Variants in NME7 observed in about 807,000 individuals in gnomAD.
NME7 encodes nucleoside diphosphate kinase 7.
A neutral mutation model predicts 49.1 loss-of-function variants in NME7; 41 were observed. The observed-to-expected ratio is 0.83, with a 90% CI of 0.65 to 1.08. NME7 has a LOEUF of 1.08. Ranked by LOEUF, NME7 falls within the 50% of genes least tolerant of loss-of-function variation. The probability of loss-of-function intolerance (pLI) is 0.00; values close to 1 mark genes in which losing one functional copy is unlikely to be tolerated. For missense variants in NME7, 423 were observed against 463.4 expected (o/e 0.91, Z 0.80); for synonymous variants, 139 against 150.6 (o/e 0.92, Z 0.56).
chr1:169,195,776 A>G (rs948481711), intron 10 of NME7, among the ~76,000 whole-genome samples: 2 of 152,208 alleles, frequency 1.3e-5, no homozygotes, highest in Admixed American at 1.3e-4. Flanking sequence ...CTTACTATGT[A>G]CCAGACACTT....
At chr1:169,155,049 A>G (rs1659028074) in intron 11 of NME7, among the ~76,000 whole-genome samples, 1 of 152,048 alleles carries the variant, frequency 6.6e-6, no homozygotes, top group Non-Finnish European at 1.5e-5. Flanking sequence ...GGCTCAAGCA[A>G]TCCTTCTGCC....
In NME7 at chr1:169,354,979, ATGT is replaced by A. The variant is rs1169439246; in HGVS notation, c.3+12726_3+12728del. ...ATGTTTATATATAATATAATTATAT[ATGT>A]TTATATATAATATAATTATATATGT... On this transcript the variant is annotated intron_variant, in intron 1 of 11. Coordinates refer to ENST00000367811, the MANE Select transcript of NME7 (RefSeq NM_013330.5). 4.2e-3 allele frequency among the ~76,000 whole-genome samples: 230 copies of A among 55,112 alleles called. 30 individuals carry two copies. Among genetic ancestry groups the A allele is most frequent in the African/African-American group, 9.1e-3 (179 of 19,666 alleles). The allele number at this position is 55,112 out of a possible 152,430, so 36.2% of individuals were successfully genotyped here.
intron 10 of NME7, among the ~76,000 whole-genome samples, chr1:169,186,511 G>A (rs1233512370): frequency 6.6e-6 from 1 of 152,186 alleles, no homozygotes; most frequent in Non-Finnish European, 1.5e-5. Context: ...ATGTGTCCAG[G>A]AATTTATCCA....
chr1:169,142,765 G>T (rs981196921), intron 11 of NME7, among the ~76,000 whole-genome samples: 8 of 152,180 alleles, frequency 5.3e-5, no homozygotes, highest in Admixed American at 2.0e-4. Context: ...CAGGAAAGGG[G>T]TTTAGAGGAG....
chr1:169,259,088 T>C (rs991517182), intron 7 of NME7, among the ~76,000 whole-genome samples: 2 of 133,996 alleles, frequency 1.5e-5, no homozygotes, highest in Non-Finnish European at 3.5e-5. Flanking sequence ...TTGTAAAATA[T>C]TGAATACATT....
intron 10 of NME7, among the ~76,000 whole-genome samples, chr1:169,185,714 T>C (rs1200075): frequency 0.021 from 3,163 of 152,296 alleles, 112 homozygotes; most frequent in African/African-American, 0.073. Context: ...TCTGTCCCTC[T>C]GTAAGAGCAC....
chr1:169,357,261 T>C (rs1407471071), intron 1 of NME7, among the ~76,000 whole-genome samples: 1 of 152,088 alleles, frequency 6.6e-6, no homozygotes, highest in Non-Finnish European at 1.5e-5. Flanking sequence ...CCTCCAAGAC[T>C]GTGAGCTTTT....
At chr1:169,175,370 A>G (rs1335858557) in intron 10 of NME7, among the ~76,000 whole-genome samples, 1 of 152,180 alleles carries the variant, frequency 6.6e-6, no homozygotes, top group Non-Finnish European at 1.5e-5. Flanking sequence ...TTTTCTAATA[A>G]GTAGAAAAAG....
intron 7 of NME7, among the ~76,000 whole-genome samples, chr1:169,256,817 C>T (rs1429738394): frequency 2.3e-5 from 3 of 130,994 alleles, no homozygotes; most frequent in African/African-American, 5.1e-5. Flanking sequence ...GTTGGAATAC[C>T]CTGCCGTGTG....
At position 169,298,746 on chromosome 1, in the gene NME7, A is replaced by C; in HGVS notation, c.458T>G (p.Ile153Ser). The part of the protein sequence containing the change: ...RPFFNELIQF[I>S]TTGPIIAMEI... ...CATGGCAATAATAGGACCAGTTGTAATAAACTGGATCAGCTCACTACAAAA... is the reference window on the plus strand; with the variant it reads ...CATGGCAATAATAGGACCAGTTGTACTAAACTGGATCAGCTCACTACAAAA... The change falls in exon 6 of 12, where the codon ATT (isoleucine) becomes AGT (serine). Residue 153 changes from isoleucine (I) to serine (S), a missense_variant. Ile to Ser is a moderately radical substitution (Grantham distance 142). Transcript: ENST00000367811. 18 of 1,613,554 alleles carry C rather than the reference A, an allele frequency of 1.1e-5. No homozygotes were observed. The highest frequency in any genetic ancestry group is 1.5e-5 in the Non-Finnish European group (18 of 1,179,636).
At chr1:169,299,571 G>A (rs1371054079) in intron 5 of NME7, among the ~76,000 whole-genome samples, 1 of 152,048 alleles carries the variant, frequency 6.6e-6, no homozygotes, top group Non-Finnish European at 1.5e-5. Flanking sequence ...CTCATCCAAA[G>A]TAGAGAGAAG....
At chr1:169,321,203 C>G (rs766687012) in intron 3 of NME7, among the ~76,000 whole-genome samples, 1 of 152,046 alleles carries the variant, frequency 6.6e-6, no homozygotes, top group Non-Finnish European at 1.5e-5. Context: ...TAGCAAAATA[C>G]CAAAAAATTA....
At chr1:169,216,294 T>C (rs1326377559) in intron 10 of NME7, among the ~76,000 whole-genome samples, 1 of 152,134 alleles carries the variant, frequency 6.6e-6, no homozygotes, top group Non-Finnish European at 1.5e-5. Flanking sequence ...CTTCCTAACT[T>C]TTCGGGAGGG....
Position 169,323,275 on chromosome 1 carries a change from T to A in NME7, c.120A>T (p.Val40=). 1 of 1,594,784 alleles carries A rather than the reference T, an allele frequency of 6.3e-7. No individual in the cohort carries two copies. The highest frequency in any genetic ancestry group is 8.5e-7 in the Non-Finnish European group (1 of 1,172,086). ...GCTTTAAAAAGGTGCGATGATTCTT[T>A]ACATCATGCTAGAACCAGACACAAC... ...PGDGSVEMHD[V]KNHRTFLKRT... Residue 40 remains valine, a synonymous_variant, in exon 3 of 12, where the codon GTA becomes GTT. Coordinates refer to ENST00000367811, the MANE Select transcript of NME7 (RefSeq NM_013330.5).
chr1:169,270,099 A>G (rs78231864), intron 7 of NME7, among the ~76,000 whole-genome samples: 3,130 of 133,868 alleles, frequency 0.023, 449 homozygotes, highest in African/African-American at 0.071. Context: ...AATTTTCTAC[A>G]CAGTTTCACA....
At chr1:169,155,965 G>C (rs1659055693) in intron 11 of NME7, among the ~76,000 whole-genome samples, 1 of 151,876 alleles carries the variant, frequency 6.6e-6, no homozygotes, top group Non-Finnish European at 1.5e-5. Context: ...AAATTCTCAG[G>C]CTCTATCTCA....
chr1:169,205,032 G>A, intron 10 of NME7, among the ~76,000 whole-genome samples: 1 of 151,916 alleles, frequency 6.6e-6, no homozygotes, highest in Non-Finnish European at 1.5e-5. Context: ...GACCAAAGCA[G>A]GAAGCCTATA....
At chr1:169,221,486 C>G (rs1661139018) in intron 10 of NME7, among the ~76,000 whole-genome samples, 1 of 152,110 alleles carries the variant, frequency 6.6e-6, no homozygotes, top group Non-Finnish European at 1.5e-5. Context: ...TTTGCACTGG[C>G]TGTTCCTTCT....
intron 10 of NME7, among the ~76,000 whole-genome samples, chr1:169,199,216 G>T (rs1202404768): frequency 6.6e-6 from 1 of 151,842 alleles, no homozygotes; most frequent in Non-Finnish European, 1.5e-5. Context: ...TTACAAGAGT[G>T]ACAATAATGT....
Sources: allele counts gnomAD v4.1 joint callset (sites outside exome capture counted in the v4.1 genomes callset), GRCh38; gene constraint gnomAD v4.1.1; transcripts MANE v1.5; gene names NCBI Gene and HGNC (gene_info 2026-07-23, HGNC 2026-07-21).